FAM76B: variants seen among roughly 807,000 people sequenced by gnomAD.
The protein encoded by FAM76B is family with sequence similarity 76 member B, also known as protein FAM76B.
In FAM76B, 16 loss-of-function variants were observed where a neutral mutation model predicts 51.8. The observed-to-expected ratio is 0.31, with a 90% CI of 0.21 to 0.47. The LOEUF (loss-of-function observed/expected upper bound fraction) is 0.47. Ranked by LOEUF, FAM76B falls within the 20% of genes least tolerant of loss-of-function variation. The probability of loss-of-function intolerance (pLI) is 1.00; values close to 1 mark genes in which losing one functional copy is unlikely to be tolerated. For synonymous variants in FAM76B, 166 were observed against 129.5 expected (o/e 1.28, Z -1.91); for missense variants, 342 against 392.6 (o/e 0.87, Z 1.09).
At chr11:95,783,376 A>ATTTG in intron 4 of FAM76B, 112 bp from the exon 5 acceptor site, 8 of 767,152 alleles carry the variant, frequency 1.0e-5, no homozygotes, top group Non-Finnish European at 1.5e-5. Context: ...ACATGCACAA[A>ATTTG]TGCATGTATG....
chr11:95,779,819 G>A, intron 6 of FAM76B, 60 bp downstream of exon 6: 1 of 1,560,702 alleles, frequency 6.4e-7, no homozygotes, highest in Non-Finnish European at 8.7e-7. Context: ...AAGTTGAAGG[G>A]ATATCACATT....
chr11:95,788,531 A>G lies in FAM76B; in HGVS notation c.120T>C (p.Cys40=), dbSNP rs1565298718. 6.2e-7 allele frequency: 1 copy of G among 1,612,998 alleles called. No homozygotes were observed. The highest frequency in any genetic ancestry group is 2.2e-5 in the East Asian group (1 of 44,832). ...GTTGAAATTCTGATCTGCAGTAAGT[A>G]CATTTTACAATAGGATGTGCAATCC... is the stretch of plus-strand genomic sequence containing the variant. ...ECRIAHPIVK[C]TYCRSEFQQE... Residue 40 remains cysteine (C), a synonymous_variant, in exon 2 of 10, where the codon TGT becomes TGC. Transcript: ENST00000358780.
At position 95,771,642 on chromosome 11, in the gene FAM76B, GT is replaced by G; in HGVS notation, c.938del (p.Asn313ThrfsTer24). The G allele has an allele frequency of 1.9e-6, 3 of 1,604,788 alleles. No homozygotes were observed. Among genetic ancestry groups the G allele is most frequent in the Non-Finnish European group, 1.7e-6 (2 of 1,173,954 alleles). On this transcript the variant is annotated frameshift_variant, in exon 10 of 10. Transcript: ENST00000358780. LOFTEE classifies it high-confidence loss of function. ...CTGCGACCTGTTTGAGTAGTTCTCT[GT>G]TTTTGGCCTGTGGGAGACAAAAACA... ...KETVEQLQAK[N>X]RELLKQVAAL...
intron 4 of FAM76B, 115 bp downstream of exon 4, chr11:95,786,004 G>A (rs779674166): frequency 1.9e-5 from 24 of 1,266,412 alleles, no homozygotes; most frequent in Non-Finnish European, 2.6e-5. Flanking sequence ...CTAACTACTT[G>A]CTTTCATGGA....
rs201872375 is a variant in FAM76B, at chr11:95,779,593, G to A, written c.692+14C>T. The A allele has an allele frequency of 9.4e-6, 15 of 1,595,160 alleles. No homozygotes were observed. In the East Asian group the frequency reaches 3.4e-4, roughly 36 times the overall value. On this transcript the variant is annotated intron_variant, in intron 7 of 9. Coordinates refer to ENST00000358780, the MANE Select transcript of FAM76B (RefSeq NM_144664.5). ...AAGTTGAATTTTCATAACACTAAAAGAATTCATTTTTACCTATCTCCATTA... is the reference window on the plus strand; with the variant it reads ...AAGTTGAATTTTCATAACACTAAAAAAATTCATTTTTACCTATCTCCATTA...
rs12786522 is a variant in FAM76B at position 95,789,694 on chromosome 11, G to A, written c.-216C>T. ...CCGCCCCAGCCCACCCAGTGACGCC[G>A]TGCCAGCCGCTCCCGCTTAGGCCCC... On this transcript the variant is annotated 5_prime_UTR_variant, in exon 1 of 10. The change creates a new upstream start codon in the 5' untranslated region. Coordinates refer to ENST00000358780, the MANE Select transcript of FAM76B (RefSeq NM_144664.5). 3 of 501,080 alleles carry A rather than the reference G, an allele frequency of 6.0e-6. No homozygotes were observed. Among genetic ancestry groups the A allele is most frequent in the Non-Finnish European group, 7.0e-6 (2 of 286,630 alleles). 31.0% of individuals were successfully genotyped at this position (501,080 alleles called of 1,614,324 possible). A position where few individuals can be genotyped will look rare whatever the true frequency, so the allele number is the denominator to read the frequency against.
chr11:95,778,865 AGACGCTTAAGT>A lies in FAM76B; in HGVS notation c.774_784del (p.Lys260ThrfsTer12). 6.2e-7 allele frequency: 1 copy of A among 1,610,598 alleles called. No individual in the cohort carries two copies. The highest frequency in any genetic ancestry group is 8.5e-7 in the Non-Finnish European group (1 of 1,177,946). Reference sequence around the variant, plus strand: ...AATGGTCTGGTCTCTCTGCTGTAAGAGACGCTTAAGTGACATCACTTCTTCTTTCAATTGAC... The same window carrying A: ...AATGGTCTGGTCTCTCTGCTGTAAGAGACATCACTTCTTCTTTCAATTGAC... On this transcript the variant is annotated frameshift_variant, in exon 8 of 10. Transcript: ENST00000358780. LOFTEE classifies it high-confidence loss of function.
Position 95,782,803 on chromosome 11 carries a change from G to A in FAM76B, c.563+262C>T, listed in dbSNP as rs573110991. Among the ~76,000 whole-genome samples, 20 of 152,108 alleles carry A rather than the reference G, an allele frequency of 1.3e-4. 1 individual carries two copies. The highest frequency in any genetic ancestry group is 2.1e-4 in the Non-Finnish European group (14 of 67,974). Reference sequence around the variant, plus strand: ...GTTATTTAAGTGTTAATTAACTGACGTACTTGTATTTTGACTTTACATGGT... The same window carrying A: ...GTTATTTAAGTGTTAATTAACTGACATACTTGTATTTTGACTTTACATGGT... On this transcript the variant is annotated intron_variant, in intron 5 of 9. Coordinates refer to ENST00000358780, the MANE Select transcript of FAM76B (RefSeq NM_144664.5).
intron 9 of FAM76B, among the ~76,000 whole-genome samples, chr11:95,773,850 A>AT (rs1273079480): frequency 6.6e-6 from 1 of 151,050 alleles, no homozygotes; most frequent in Non-Finnish European, 1.5e-5. Flanking sequence ...ATTTTGAACA[A>AT]TTTTTTCATG....
At chr11:95,786,019 A>G in intron 4 of FAM76B, 100 bp downstream of exon 4, 2 of 1,411,226 alleles carry the variant, frequency 1.4e-6, no homozygotes, top group Non-Finnish European at 1.9e-6. Context: ...CATGGACCTA[A>G]AGAATAGATC....
intron 5 of FAM76B, among the ~76,000 whole-genome samples, chr11:95,782,331 A>C (rs1437935691): frequency 6.6e-6 from 1 of 152,076 alleles, no homozygotes; most frequent in Non-Finnish European, 1.5e-5. Flanking sequence ...TTCCCAACCA[A>C]ATACGGATCA....
chr11:95,784,646 G>C (rs1245963674), intron 4 of FAM76B, among the ~76,000 whole-genome samples: 2 of 150,136 alleles, frequency 1.3e-5, no homozygotes, highest in Non-Finnish European at 3.0e-5. Flanking sequence ...GGAGTGCAGT[G>C]GCGCAATCTT....
chr11:95,776,107 A>G, intron 8 of FAM76B, 84 bp from the exon 9 acceptor site: 1 of 665,584 alleles, frequency 1.5e-6, no homozygotes, highest in Non-Finnish European at 2.3e-6. Context: ...CAATAAACTC[A>G]CATTTCATTA....
intron 3 of FAM76B, chr11:95,786,780 A>C (rs1860611997): frequency 6.6e-6 from 1 of 152,502 alleles, no homozygotes; most frequent in Non-Finnish European, 1.5e-5. Context: ...CATAAACTAT[A>C]AAAACATACC....
At chr11:95,786,525 T>C in intron 3 of FAM76B, 1 of 341,062 alleles carries the variant, frequency 2.9e-6, no homozygotes, top group Non-Finnish European at 5.3e-6. Context: ...TTGCATAGTC[T>C]GTTAGATAAT....
chr11:95,785,625 G>C (rs879902834), intron 4 of FAM76B, among the ~76,000 whole-genome samples: 10 of 152,164 alleles, frequency 6.6e-5, no homozygotes, highest in Admixed American at 1.3e-4. Flanking sequence ...TAGGCAACAG[G>C]AGGCCTGTGT....
At position 95,769,255 on chromosome 11, in the gene FAM76B, AG is replaced by A. The variant is rs1388084954; in HGVS notation, c.*2305del. The A allele has an allele frequency of 6.6e-6, 1 of 152,336 alleles. No homozygotes were observed. The highest frequency in any genetic ancestry group is 1.5e-5 in the Non-Finnish European group (1 of 67,856). 9.4% of individuals were successfully genotyped at this position (152,336 alleles called of 1,614,324 possible). On this transcript the variant is annotated 3_prime_UTR_variant, in exon 10 of 10. Coordinates refer to ENST00000358780, the MANE Select transcript of FAM76B (RefSeq NM_144664.5). ...TATCTCCTTACAGGTCCACATTTAA[AG>A]AATATCAGTTTATTATGTCAAAACA...
intron 3 of FAM76B, 159 bp from the exon 4 acceptor site, chr11:95,786,433 A>T (rs1399733885): frequency 1.5e-6 from 1 of 660,988 alleles, no homozygotes; most frequent in East Asian, 2.8e-5. Flanking sequence ...TAACTTTTAT[A>T]CCATATTTCT....
At chr11:95,776,066 TACAC>T (rs761589418) in intron 8 of FAM76B, 43 bp from the exon 9 acceptor site, 3 of 1,020,742 alleles carry the variant, frequency 2.9e-6, no homozygotes, top group East Asian at 2.7e-5. Context: ...TTTGCACACA[TACAC>T]ACACACACCA....
Sources: allele counts gnomAD v4.1 joint callset (sites outside exome capture counted in the v4.1 genomes callset), GRCh38; gene constraint gnomAD v4.1.1; transcripts MANE v1.5; gene names NCBI Gene and HGNC (gene_info 2026-07-23, HGNC 2026-07-21).